The following BACH2 variants were observed in gnomAD, a reference collection of about 807,000 sequenced individuals.
BACH2 encodes transcription regulator protein BACH2.
In BACH2, 5 loss-of-function variants were observed where a neutral mutation model predicts 61.8. The observed-to-expected ratio is 0.08, with a 90% CI of 0.04 to 0.17. BACH2 has a LOEUF of 0.17. BACH2 is among the 10% of genes least tolerant of loss of function. The probability of loss-of-function intolerance (pLI) is 1.00; values close to 1 mark genes in which losing one functional copy is unlikely to be tolerated. For missense variants in BACH2, 824 were observed against 1,091.1 expected, an observed-to-expected ratio of 0.76 and a Z score of 3.45; for synonymous variants, 446 against 440.1, an observed-to-expected ratio of 1.01 and a Z score of -0.17.
chr6:90,063,006 G>A, intron 5 of BACH2: 1 of 840,492 alleles, frequency 1.2e-6, no homozygotes, highest in East Asian at 1.2e-4. Flanking sequence ...GATGTATAGG[G>A]AAAAGAGTTT....
intron 5 of BACH2, among the ~76,000 whole-genome samples, chr6:90,018,216 G>C (rs1778170523): frequency 6.6e-6 from 1 of 152,176 alleles, no homozygotes; most frequent in African/African-American, 2.4e-5. Flanking sequence ...CTGCTGATCA[G>C]TACTCTGCAG....
chr6:90,220,146 A>T (rs1008849275), intron 3 of BACH2, among the ~76,000 whole-genome samples: 1 of 152,190 alleles, frequency 6.6e-6, no homozygotes, highest in South Asian at 2.1e-4. Context: ...ATTTTTTCAC[A>T]ATGTTTCCAA....
rs1218515578 is a variant in BACH2 at position 89,929,914 on chromosome 6, A to G, written c.*2494T>C. The G allele has an allele frequency of 6.6e-6, 1 of 152,186 alleles. No homozygotes were observed. The highest frequency in any genetic ancestry group is 1.5e-5 in the Non-Finnish European group (1 of 68,004). The allele number at this position is 152,186 out of a possible 1,614,324, so 9.4% of individuals were successfully genotyped here. On this transcript the variant is annotated 3_prime_UTR_variant, in exon 9 of 9. Coordinates refer to ENST00000257749, the MANE Select transcript of BACH2 (RefSeq NM_021813.4). Reference sequence around the variant, plus strand: ...CAACAATAGAGTTAAAAAGCAAAATACTGTCAGCTGACTCCACTGTAACAC... The same window carrying G: ...CAACAATAGAGTTAAAAAGCAAAATGCTGTCAGCTGACTCCACTGTAACAC...
chr6:90,128,953 A>G (rs1426167839), intron 4 of BACH2, among the ~76,000 whole-genome samples: 5 of 152,134 alleles, frequency 3.3e-5, no homozygotes, highest in African/African-American at 9.7e-5. Context: ...TCAGCAAACT[A>G]TCGCAAGGGC....
At chr6:89,938,875 T>C (rs1428688043) in intron 7 of BACH2, among the ~76,000 whole-genome samples, 3 of 152,132 alleles carry the variant, frequency 2.0e-5, no homozygotes, top group Non-Finnish European at 2.9e-5. Flanking sequence ...CACTAGCATA[T>C]AGTAGGAGTC....
intron 4 of BACH2, among the ~76,000 whole-genome samples, chr6:90,142,452 C>T (rs896329559): frequency 5.9e-5 from 9 of 152,206 alleles, no homozygotes; most frequent in African/African-American, 1.2e-4. Context: ...TACAGCAATT[C>T]TATCAAGTGA....
intron 6 of BACH2, among the ~76,000 whole-genome samples, chr6:90,005,496 TCTG>T (rs969221614): frequency 2.6e-5 from 4 of 152,250 alleles, no homozygotes; most frequent in African/African-American, 9.6e-5. Flanking sequence ...ATTTAGAATG[TCTG>T]CTTATTTACC....
At chr6:90,106,348 T>C (rs550633014) in intron 4 of BACH2, among the ~76,000 whole-genome samples, 50 of 152,354 alleles carry the variant, frequency 3.3e-4, no homozygotes, top group African/African-American at 1.2e-3. Flanking sequence ...ATAGACTGCA[T>C]ATATAATGGT....
intron 1 of BACH2, among the ~76,000 whole-genome samples, chr6:90,283,436 T>G (rs939522953): frequency 2.0e-5 from 3 of 151,604 alleles, no homozygotes; most frequent in African/African-American, 7.3e-5. Flanking sequence ...AGTGCTGTGG[T>G]GCGATCTTGG....
chr6:89,953,106 A>G (rs111894808), intron 6 of BACH2: 15 of 152,226 alleles, frequency 9.9e-5, no homozygotes, highest in African/African-American at 3.6e-4. Flanking sequence ...AGCAAGGTGA[A>G]CTGGTAAACT....
chr6:90,101,273 T>A (rs1782614543), intron 4 of BACH2, among the ~76,000 whole-genome samples: 1 of 152,230 alleles, frequency 6.6e-6, no homozygotes, highest in Non-Finnish European at 1.5e-5. Context: ...TTTTCTTTTG[T>A]CTTTTGTACT....
intron 5 of BACH2, among the ~76,000 whole-genome samples, chr6:90,038,379 C>G (rs1251088002): frequency 6.6e-6 from 1 of 152,126 alleles, no homozygotes; most frequent in Non-Finnish European, 1.5e-5. Context: ...CCTTAGTTTT[C>G]TCTTTTTGAA....
intron 6 of BACH2, among the ~76,000 whole-genome samples, chr6:89,998,168 A>AT (rs60871134): frequency 6.7e-4 from 101 of 150,308 alleles, no homozygotes; most frequent in African/African-American, 2.4e-3. Flanking sequence ...AAATCCCAGC[A>AT]TTTTTTTTTT....
intron 5 of BACH2, among the ~76,000 whole-genome samples, chr6:90,015,869 T>C (rs894377076): frequency 1.3e-5 from 2 of 152,222 alleles, no homozygotes; most frequent in Admixed American, 6.5e-5. Flanking sequence ...GTACTAAAAC[T>C]TTCCGGCTAC....
intron 4 of BACH2, among the ~76,000 whole-genome samples, chr6:90,090,853 T>C (rs1782132153): frequency 6.6e-6 from 1 of 152,194 alleles, no homozygotes; most frequent in South Asian, 2.1e-4. Context: ...GGGGTTTTCC[T>C]ATTTCTTGGA....
intron 6 of BACH2, among the ~76,000 whole-genome samples, chr6:89,970,849 T>C (rs1315349921): frequency 6.6e-6 from 1 of 152,166 alleles, no homozygotes; most frequent in Non-Finnish European, 1.5e-5. Context: ...GAACACAAGA[T>C]ATTTCTATAT....
At chr6:90,149,139 C>A (rs1784723729) in intron 4 of BACH2, among the ~76,000 whole-genome samples, 1 of 152,156 alleles carries the variant, frequency 6.6e-6, no homozygotes, top group African/African-American at 2.4e-5. Context: ...GTGAGTTCAA[C>A]AGAGGTGTGA....
rs201954306 is a variant in BACH2, at chr6:89,950,672, C to T, written c.1434G>A (p.Gln478=). Residue 478 remains glutamine (Q), a synonymous_variant, in exon 7 of 9, where the codon CAG becomes CAA. Transcript: ENST00000257749. The surrounding 1 kb of genome is among the most constrained non-coding windows in gnomAD (Gnocchi z 5.3). The part of the protein sequence containing the change: ...VGAGQSLPSS[Q]AYSHGGLMAD... The stretch of plus-strand genomic sequence containing the variant: ...CCATCAGCCCACCGTGGGAGTAGGC[C>T]TGCGAGCTGGGGAGGGACTGGCCGG... 55 of 1,614,194 alleles carry T rather than the reference C, an allele frequency of 3.4e-5. No homozygotes were observed. The highest frequency in any genetic ancestry group is 4.5e-5 in the Non-Finnish European group (53 of 1,180,046).
intron 2 of BACH2, among the ~76,000 whole-genome samples, chr6:90,264,914 T>C (rs1335434948): frequency 6.6e-6 from 1 of 152,224 alleles, no homozygotes; most frequent in African/African-American, 2.4e-5. Flanking sequence ...ATGTTAGACC[T>C]GTACATTTAA....
Sources: allele counts gnomAD v4.1 joint callset (sites outside exome capture counted in the v4.1 genomes callset), GRCh38; gene constraint gnomAD v4.1.1; non-coding constraint Gnocchi (gnomAD v3.1); transcripts MANE v1.5; gene names NCBI Gene and HGNC (gene_info 2026-07-23, HGNC 2026-07-21).